Variants in DIS3L2 observed in about 807,000 individuals in gnomAD.
The protein encoded by DIS3L2 is DIS3-like exonuclease 2.
A neutral mutation model predicts 97.5 loss-of-function variants in DIS3L2; 34 were observed. The ratio of observed to expected loss-of-function variants is 0.35; its 90% CI spans 0.27 to 0.46. DIS3L2 has a LOEUF of 0.46. DIS3L2 is among the 20% of genes least tolerant of loss of function. The pLI, the probability that DIS3L2 is intolerant of heterozygous loss-of-function variation, is 1.00. For synonymous variants in DIS3L2, 435 were observed against 445.2 expected, an observed-to-expected ratio of 0.98 and a Z score of 0.29; for missense variants, 1,038 against 1,146.0, an observed-to-expected ratio of 0.91 and a Z score of 1.36.
chr2:232,080,482 G>C (rs1696354382), intron 5 of DIS3L2, among the ~76,000 whole-genome samples: 1 of 152,156 alleles, frequency 6.6e-6, no homozygotes, highest in African/African-American at 2.4e-5. Context: ...AATACTTCAG[G>C]TATCTCCAAA....
At chr2:232,329,789 T>TGGGCCC in intron 14 of DIS3L2, 24 bp from the exon 15 acceptor site, 4 of 368,620 alleles carry the variant, frequency 1.1e-5, no homozygotes, top group Non-Finnish European at 1.5e-5. Flanking sequence ...CAGCGGTCCC[T>TGGGCCC]CCCATCCCAC....
intron 1 of DIS3L2, among the ~76,000 whole-genome samples, chr2:232,001,519 T>C (rs898239549): frequency 6.7e-6 from 1 of 150,368 alleles, no homozygotes; most frequent in Non-Finnish European, 1.5e-5. Flanking sequence ...GATTTTTTGC[T>C]TAACAGAGTC....
At chr2:232,019,034 G>A (rs1369576963) in intron 3 of DIS3L2, among the ~76,000 whole-genome samples, 3 of 152,178 alleles carry the variant, frequency 2.0e-5, no homozygotes, top group African/African-American at 4.8e-5. Flanking sequence ...GATGATCAAG[G>A]TGACATGGGT....
intron 6 of DIS3L2, among the ~76,000 whole-genome samples, chr2:232,100,330 C>A (rs1697160287): frequency 6.6e-6 from 1 of 151,840 alleles, no homozygotes; most frequent in Admixed American, 6.6e-5. Flanking sequence ...AGCCACCACA[C>A]CTGGCCTTTT....
At chr2:232,038,114 A>G (rs1452221543) in intron 5 of DIS3L2, among the ~76,000 whole-genome samples, 2 of 152,226 alleles carry the variant, frequency 1.3e-5, no homozygotes, top group African/African-American at 4.8e-5. Flanking sequence ...CCTTGAAAGC[A>G]TAGCTAAAGG....
intron 5 of DIS3L2, among the ~76,000 whole-genome samples, chr2:232,067,327 G>A (rs147886840): frequency 2.1e-4 from 32 of 152,196 alleles, no homozygotes; most frequent in South Asian, 1.2e-3. Flanking sequence ...ACATGTTAGC[G>A]TGTTGTATTT....
intron 1 of DIS3L2, among the ~76,000 whole-genome samples, chr2:231,969,468 G>GCCC (rs1292756044): frequency 1.3e-5 from 2 of 151,840 alleles, no homozygotes; most frequent in Non-Finnish European, 2.9e-5. Context: ...GTGCCACCAC[G>GCCC]CCCGGCTAAT....
At chr2:232,074,433 A>G (rs1262771902) in intron 5 of DIS3L2, among the ~76,000 whole-genome samples, 3 of 152,228 alleles carry the variant, frequency 2.0e-5, no homozygotes, top group African/African-American at 7.2e-5. Context: ...AAGAGAATCA[A>G]TATTTACTGA....
At chr2:232,036,232 T>C (rs1342145989) in intron 5 of DIS3L2, among the ~76,000 whole-genome samples, 1 of 152,244 alleles carries the variant, frequency 6.6e-6, no homozygotes, top group African/African-American at 2.4e-5. Context: ...CATTCTTTTT[T>C]CTCTAATCTT....
chr2:232,029,164 T>A (rs1694738936), intron 4 of DIS3L2, among the ~76,000 whole-genome samples: 1 of 152,158 alleles, frequency 6.6e-6, no homozygotes. Context: ...TGTCACCTCC[T>A]GTAAGAAAAA....
intron 9 of DIS3L2, among the ~76,000 whole-genome samples, chr2:232,181,106 A>G (rs1373668398): frequency 7.8e-6 from 1 of 128,512 alleles, no homozygotes; most frequent in African/African-American, 3.0e-5. Context: ...TCTGGGTTGA[A>G]AATTCTTTTC....
intron 2 of DIS3L2, 63 bp from the exon 3 acceptor site, chr2:232,015,451 T>G (rs1694325881): frequency 1.9e-6 from 3 of 1,570,874 alleles, no homozygotes; most frequent in South Asian, 1.2e-5. Flanking sequence ...AGGTATAATA[T>G]CTCCAGTTTT....
chr2:232,077,805 T>TA (rs1201944682), intron 5 of DIS3L2, among the ~76,000 whole-genome samples: 1 of 152,196 alleles, frequency 6.6e-6, no homozygotes, highest in Non-Finnish European at 1.5e-5. Flanking sequence ...ATGTCAGTAA[T>TA]ATATCTGCTA....
chr2:232,337,574 C>T (rs1324112717), downstream of DIS3L2, among the ~76,000 whole-genome samples: 1 of 152,098 alleles, frequency 6.6e-6, no homozygotes, highest in Non-Finnish European at 1.5e-5. Flanking sequence ...CAGTCCCTTC[C>T]CCAGCCAGCC....
chr2:231,985,776 C>A (rs3100611), intron 1 of DIS3L2, among the ~76,000 whole-genome samples: 67,289 of 152,106 alleles, frequency 0.44, 17,765 homozygotes, highest in Non-Finnish European at 0.6. Flanking sequence ...AGGATATTTT[C>A]TTACATACTG....
At chr2:232,027,402 A>G (rs942230915) in intron 4 of DIS3L2, among the ~76,000 whole-genome samples, 1 of 152,216 alleles carries the variant, frequency 6.6e-6, no homozygotes, top group African/African-American at 2.4e-5. Flanking sequence ...GCATAAAGGC[A>G]GGAATGAATA....
rs538296218 is a variant in DIS3L2, at chr2:232,193,242, C to T, written c.1125-17084C>T. 2.1e-3 allele frequency among the ~76,000 whole-genome samples: 321 copies of T among 152,362 alleles called. 2 individuals carry two copies. Among genetic ancestry groups the T allele is most frequent in the African/African-American group, 7.3e-3 (305 of 41,582 alleles). ...AATGTGACTAGCACAGTTGCATTCA[C>T]TTCTACCTTTGGGAGTTTTAAATGC... is the stretch of plus-strand genomic sequence containing the variant. On this transcript the variant is annotated intron_variant, in intron 9 of 20. Coordinates refer to ENST00000325385, the MANE Select transcript of DIS3L2 (RefSeq NM_152383.5).
chr2:232,222,873 A>C (rs1471297086), intron 10 of DIS3L2, among the ~76,000 whole-genome samples: 1 of 152,266 alleles, frequency 6.6e-6, no homozygotes, highest in African/African-American at 2.4e-5. Context: ...GGGCTCTGGC[A>C]TGGAAGTGGG....
intron 6 of DIS3L2, among the ~76,000 whole-genome samples, chr2:232,129,547 C>T (rs902822992): frequency 3.3e-5 from 5 of 152,194 alleles, no homozygotes; most frequent in African/African-American, 1.2e-4. Context: ...GAGGATTCTG[C>T]ATTCAGAGGG....
Sources: gnomAD v4.1 joint callset for allele counts (sites outside exome capture counted in the v4.1 genomes callset) on GRCh38, gnomAD v4.1.1 for gene constraint, MANE v1.5 for transcripts, NCBI Gene and HGNC (gene_info 2026-07-23, HGNC 2026-07-21) for gene names.